KLHL29: variants seen among roughly 807,000 people sequenced by gnomAD.
The protein encoded by KLHL29 is kelch-like protein 29.
A neutral mutation model predicts 80.4 loss-of-function variants in KLHL29; 21 were observed. That is an observed-to-expected ratio of 0.26 (90% CI 0.19 to 0.38). KLHL29 has a LOEUF of 0.38. Among genes scored for constraint, KLHL29 ranks in the 10% least tolerant of loss-of-function variants. The pLI is 1.00. For synonymous variants in KLHL29, 511 were observed against 526.8 expected, an observed-to-expected ratio of 0.97 and a Z score of 0.41; for missense variants, 867 against 1,223.9, an observed-to-expected ratio of 0.71 and a Z score of 4.35.
chr2:23,527,000 G>A (rs149558959), intron 2 of KLHL29, among the ~76,000 whole-genome samples: 12 of 152,238 alleles, frequency 7.9e-5, no homozygotes, highest in East Asian at 5.8e-4. Flanking sequence ...GTGACCACAC[G>A]GGGCTGGTAT....
At chr2:23,667,827 C>G (rs964666952) in intron 5 of KLHL29, 2 of 152,450 alleles carry the variant, frequency 1.3e-5, no homozygotes, top group Non-Finnish European at 2.9e-5. Context: ...CATCACTGCC[C>G]AGATGCCTGG....
intron 3 of KLHL29, among the ~76,000 whole-genome samples, chr2:23,576,147 A>C (rs1456684356): frequency 6.6e-6 from 1 of 152,166 alleles, no homozygotes; most frequent in African/African-American, 2.4e-5. Context: ...TCTAGTAAAA[A>C]TGTGAAAATT....
chr2:23,431,301 A>G (rs1339752531), intron 1 of KLHL29, among the ~76,000 whole-genome samples: 11 of 152,252 alleles, frequency 7.2e-5, no homozygotes, highest in African/African-American at 2.7e-4. Flanking sequence ...CTCAAGGCAT[A>G]GAACAGCAGT....
At chr2:23,670,970 CTCTCTCT>C (rs1670717193) in intron 5 of KLHL29, among the ~76,000 whole-genome samples, 2 of 24,396 alleles carry the variant, frequency 8.2e-5, no homozygotes, top group Non-Finnish European at 1.1e-4. Flanking sequence ...CTCTCTCTCT[CTCTCTCT>C]CTCCCTCCCT....
intron 1 of KLHL29, among the ~76,000 whole-genome samples, chr2:23,467,926 C>G (rs954234313): frequency 1.3e-4 from 19 of 151,768 alleles, no homozygotes; most frequent in Non-Finnish European, 7.4e-5. Context: ...TCCGTGCCCA[C>G]TTCTTTGGCG....
At position 23,639,185 on chromosome 2, in the gene KLHL29, C is replaced by A. The variant is rs1451940754; in HGVS notation, c.332C>A (p.Thr111Asn). ...KGDSQSQGLA[T>N]SIRWGQTPIN... ...GACAGTCAGTCCCAGGGACTGGCGA[C>A]CAGCATCCGGTGGGGGCAGACGCCT... The change falls in exon 4 of 14, where the codon ACC becomes AAC. Residue 111 changes from threonine (T) to asparagine (N), a missense_variant. Around this residue, in one of 2 missense-constraint regions of KLHL29, gnomAD observed 424 missense variants for 456.9 expected, o/e 0.93. Coordinates refer to ENST00000486442, the MANE Select transcript of KLHL29 (RefSeq NM_052920.2). 5.2e-6 allele frequency: 8 copies of A among 1,545,570 alleles called. No homozygotes were observed. In the Admixed American group the frequency reaches 1.6e-4, roughly 31 times the overall value.
chr2:23,483,140 G>A (rs1249699841), intron 2 of KLHL29, among the ~76,000 whole-genome samples: 2 of 152,142 alleles, frequency 1.3e-5, no homozygotes, highest in Admixed American at 6.5e-5. Flanking sequence ...GGCACCGGGG[G>A]TATCACAGTG....
intron 5 of KLHL29, chr2:23,643,433 C>T (rs1169610349): frequency 1.1e-5 from 2 of 174,272 alleles, no homozygotes; most frequent in African/African-American, 4.7e-5. Flanking sequence ...TTTGTGAGAC[C>T]TTGGGAAAGA....
At chr2:23,474,770 G>A (rs1313843346) in intron 1 of KLHL29, among the ~76,000 whole-genome samples, 2 of 152,028 alleles carry the variant, frequency 1.3e-5, no homozygotes, top group Admixed American at 1.3e-4. Flanking sequence ...GCTTTCCCCT[G>A]CTACCCGGGA....
chr2:23,439,462 C>T (rs1311867995), intron 1 of KLHL29, among the ~76,000 whole-genome samples: 1 of 149,426 alleles, frequency 6.7e-6, no homozygotes, highest in East Asian at 2.0e-4. Flanking sequence ...CTATAAATTT[C>T]CCTCTACACA....
chr2:23,631,055 C>T (rs1251338617), intron 3 of KLHL29, among the ~76,000 whole-genome samples: 2 of 152,206 alleles, frequency 1.3e-5, no homozygotes, highest in Non-Finnish European at 2.9e-5. Context: ...ACCCTTGGGG[C>T]TGGCCACCAA....
chr2:23,549,237 G>A (rs367892628), intron 2 of KLHL29, among the ~76,000 whole-genome samples: 66 of 152,342 alleles, frequency 4.3e-4, no homozygotes, highest in African/African-American at 1.5e-3. Context: ...GCTGCCCAGC[G>A]GGGGTGGAAG....
intron 1 of KLHL29, among the ~76,000 whole-genome samples, chr2:23,439,055 A>G (rs1266299481): frequency 1.0e-4 from 15 of 149,928 alleles, no homozygotes; most frequent in Admixed American, 6.6e-5. Flanking sequence ...GTATGTGTCG[A>G]GGAATTTATC....
rs1366108899 is a variant in KLHL29, at chr2:23,695,111, G to A, written c.1543-512G>A. ...GACAGTTTGAGGCCGTGGGACATGGGACACCACTGAAAGTTTTCGGTGCTG... is the reference window on the plus strand; with the variant it reads ...GACAGTTTGAGGCCGTGGGACATGGAACACCACTGAAAGTTTTCGGTGCTG... On this transcript the variant is annotated intron_variant, in intron 8 of 13. Transcript: ENST00000486442. This position sits in a 1 kb window ranked among gnomAD's most constrained non-coding sequence, Gnocchi z 7.6. Among the ~76,000 whole-genome samples the A allele has an allele frequency of 1.3e-5, 2 of 152,142 alleles. No homozygotes were observed. The highest frequency in any genetic ancestry group is 2.4e-5 in the African/African-American group (1 of 41,410).
intron 2 of KLHL29, among the ~76,000 whole-genome samples, chr2:23,525,694 G>A (rs1572378152): frequency 6.9e-6 from 1 of 144,018 alleles, no homozygotes; most frequent in Non-Finnish European, 1.5e-5. Flanking sequence ...GACTTTCCTC[G>A]CTCCCCAGAG....
intron 5 of KLHL29, among the ~76,000 whole-genome samples, chr2:23,673,489 A>G (rs1670828238): frequency 6.7e-6 from 1 of 149,732 alleles, no homozygotes; most frequent in African/African-American, 2.5e-5. Context: ...ACAGGGATGC[A>G]TACACGCCCC....
intron 6 of KLHL29, among the ~76,000 whole-genome samples, chr2:23,686,597 C>T (rs950492740): frequency 6.6e-6 from 1 of 152,052 alleles, no homozygotes; most frequent in Middle Eastern, 3.2e-3. Context: ...CATCAGAGGT[C>T]ACGGGCATCA....
rs144617177 is a variant in KLHL29, at chr2:23,680,647, G to T, written c.941-3752G>T. On this transcript the variant is annotated intron_variant, in intron 5 of 13. Coordinates refer to ENST00000486442, the MANE Select transcript of KLHL29 (RefSeq NM_052920.2). This position sits in a 1 kb window ranked among gnomAD's most constrained non-coding sequence, Gnocchi z 4.1. The stretch of plus-strand genomic sequence containing the variant: ...GCTCTCTAGGCCATCTTCTCCTGGG[G>T]TCTCTAGGCCATCTTCTCCTGGGCT... Among the ~76,000 whole-genome samples the T allele has an allele frequency of 2.1e-3, 321 of 150,164 alleles. No individual in the cohort carries two copies. The highest frequency in any genetic ancestry group is 7.1e-3 in the Middle Eastern group (2 of 282).
intron 11 of KLHL29, 51 bp from the exon 12 acceptor site, chr2:23,703,135 C>T (rs1172307368): frequency 3.0e-6 from 4 of 1,317,378 alleles, no homozygotes; most frequent in East Asian, 3.0e-5. Flanking sequence ...GTGACCTCTG[C>T]CCCGCACAAG....
Sources: allele counts gnomAD v4.1 joint callset (sites outside exome capture counted in the v4.1 genomes callset), GRCh38; gene constraint gnomAD v4.1.1; regional missense constraint gnomAD v4.1.1; non-coding constraint Gnocchi (gnomAD v3.1); transcripts MANE v1.5; gene names NCBI Gene and HGNC (gene_info 2026-07-23, HGNC 2026-07-21).